The following IL23R variants were observed in gnomAD, a reference collection of about 807,000 sequenced individuals.
IL23R encodes the protein interleukin-23 receptor.
IL23R carries 34 observed loss-of-function variants against 56.9 expected under a neutral mutation model. The ratio of observed to expected loss-of-function variants is 0.60; its 90% CI spans 0.45 to 0.80. The LOEUF is 0.80. IL23R is among the 30% of genes least tolerant of loss of function. IL23R has a pLI of 0.00. For synonymous variants in IL23R, 230 were observed against 249.2 expected (o/e 0.92, Z 0.73); for missense variants, 635 against 730.0 (o/e 0.87, Z 1.50).
intron 4 of IL23R, among the ~76,000 whole-genome samples, chr1:67,190,776 C>A (rs1006370008): frequency 6.6e-6 from 1 of 152,130 alleles, no homozygotes; most frequent in Non-Finnish European, 1.5e-5. Context: ...GGGATTTTCA[C>A]GCACCGTAGA....
At chr1:67,251,297 A>T (rs1652603463) in intron 9 of IL23R, among the ~76,000 whole-genome samples, 1 of 152,070 alleles carries the variant, frequency 6.6e-6, no homozygotes, top group Non-Finnish European at 1.5e-5. Context: ...CTAAAAATAC[A>T]ACAAATTAGC....
Position 67,219,671 on chromosome 1 carries a change from C to T in IL23R, c.896C>T (p.Thr299Ile). ...KYVFQVRCQE[T>I]GKRYWQPWSS... Reference sequence around the variant, plus strand: ...GTATTTCAAGTGAGATGTCAAGAAACAGGCAAAAGGTACTGGCAGCCTTGG... The same window carrying T: ...GTATTTCAAGTGAGATGTCAAGAAATAGGCAAAAGGTACTGGCAGCCTTGG... The change falls in exon 7 of 11, where the codon ACA becomes ATA. Residue 299 changes from threonine (T) to isoleucine (I), a missense_variant. By Grantham distance (89) the Thr-to-Ile change is moderately conservative (BLOSUM62 -1). Transcript: ENST00000347310. The T allele has an allele frequency of 1.2e-6, 2 of 1,614,078 alleles. No individual in the cohort carries two copies. The highest frequency in any genetic ancestry group is 1.7e-6 in the Non-Finnish European group (2 of 1,179,958).
chr1:67,224,918 C>A (rs1336571458), intron 7 of IL23R, among the ~76,000 whole-genome samples: 3 of 152,136 alleles, frequency 2.0e-5, no homozygotes, highest in Admixed American at 1.3e-4. Context: ...TTTATCACTG[C>A]AGCTCTATAA....
chr1:67,244,798 C>CT (rs1406937453), intron 9 of IL23R, among the ~76,000 whole-genome samples: 1 of 152,110 alleles, frequency 6.6e-6, no homozygotes, highest in African/African-American at 2.4e-5. Context: ...TATGTGGGCT[C>CT]TTTTTTGATT....
chr1:67,237,062 A>G (rs1651525615), intron 8 of IL23R, among the ~76,000 whole-genome samples: 1 of 152,052 alleles, frequency 6.6e-6, no homozygotes, highest in South Asian at 2.1e-4. Context: ...TTATTTTTTG[A>G]GACGAAGCCT....
intron 10 of IL23R, among the ~76,000 whole-genome samples, chr1:67,256,776 A>T (rs1486120314): frequency 2.0e-5 from 3 of 152,234 alleles, no homozygotes; most frequent in African/African-American, 7.2e-5. Flanking sequence ...AGGTGTTTGT[A>T]AAACAAATAG....
chr1:67,168,827 C>A (rs1218534567), intron 2 of IL23R, among the ~76,000 whole-genome samples: 2 of 152,142 alleles, frequency 1.3e-5, no homozygotes, highest in Non-Finnish European at 2.9e-5. Flanking sequence ...AGCTTCCAGG[C>A]TGACTCTAGT....
intron 3 of IL23R, among the ~76,000 whole-genome samples, chr1:67,176,540 A>G (rs7532161): frequency 0.55 from 83,709 of 151,998 alleles, 23,282 homozygotes; most frequent in East Asian, 0.67. Flanking sequence ...TGAAAAGTTG[A>G]TAAGTTTAAT....
At chr1:67,194,109 T>C (rs1322811450) in intron 4 of IL23R, among the ~76,000 whole-genome samples, 1 of 152,168 alleles carries the variant, frequency 6.6e-6, no homozygotes, top group African/African-American at 2.4e-5. Context: ...GGGCAAAGCA[T>C]GCGGGAACAC....
intron 9 of IL23R, among the ~76,000 whole-genome samples, chr1:67,251,451 CAA>C (rs34047151): frequency 1.1e-4 from 14 of 127,816 alleles, no homozygotes; most frequent in Non-Finnish European, 1.3e-4. Context: ...GACTCTGTCT[CAA>C]AAAAAAAAAA....
chr1:67,187,002 G>A (rs1647386959), intron 4 of IL23R, among the ~76,000 whole-genome samples: 1 of 152,018 alleles, frequency 6.6e-6, no homozygotes, highest in African/African-American at 2.4e-5. Context: ...CTTTTTGGTT[G>A]TTTCCACTTT....
chr1:67,234,021 A>G (rs1330089052), intron 7 of IL23R, among the ~76,000 whole-genome samples: 1 of 151,978 alleles, frequency 6.6e-6, no homozygotes, highest in African/African-American at 2.4e-5. Context: ...ACTTGCAAAT[A>G]CCATAAAGCA....
chr1:67,223,219 A>T (rs890272761), intron 7 of IL23R, among the ~76,000 whole-genome samples: 6 of 152,084 alleles, frequency 3.9e-5, no homozygotes, highest in South Asian at 2.1e-4. Flanking sequence ...CTGCCACTGC[A>T]CTCCAGCCTG....
At chr1:67,173,056 T>C (rs934879926) in intron 3 of IL23R, among the ~76,000 whole-genome samples, 1 of 152,084 alleles carries the variant, frequency 6.6e-6, no homozygotes, top group African/African-American at 2.4e-5. Flanking sequence ...GATTCCTGAG[T>C]GTCCCAATAA....
chr1:67,189,663 G>T (rs1647598565), intron 4 of IL23R, among the ~76,000 whole-genome samples: 1 of 152,256 alleles, frequency 6.6e-6, no homozygotes. Flanking sequence ...TAGAGAAGAG[G>T]GCTGGGCGCA....
intron 1 of IL23R, among the ~76,000 whole-genome samples, chr1:67,158,516 AT>A (rs1034384624): frequency 2.0e-5 from 3 of 152,204 alleles, no homozygotes; most frequent in Non-Finnish European, 4.4e-5. Context: ...TTATGCAGAA[AT>A]TTTTAGGAAA....
intron 5 of IL23R, among the ~76,000 whole-genome samples, chr1:67,206,379 T>C (rs574955106): frequency 8.6e-5 from 13 of 151,866 alleles, no homozygotes; most frequent in African/African-American, 2.7e-4. Flanking sequence ...TGCACCATCA[T>C]GGCTCACTGC....
chr1:67,230,108 G>A (rs1650998740), intron 7 of IL23R, among the ~76,000 whole-genome samples: 1 of 152,182 alleles, frequency 6.6e-6, no homozygotes, highest in Non-Finnish European at 1.5e-5. Context: ...TGCCTGCCCT[G>A]GTGCCACTGT....
At chr1:67,182,052 G>A (rs1402864505) in intron 3 of IL23R, among the ~76,000 whole-genome samples, 1 of 152,194 alleles carries the variant, frequency 6.6e-6, no homozygotes, top group Admixed American at 6.5e-5. Context: ...ACTGGGGGGT[G>A]CCTCCCAGTT....
Sources: allele counts gnomAD v4.1 joint callset (sites outside exome capture counted in the v4.1 genomes callset), GRCh38; gene constraint gnomAD v4.1.1; transcripts MANE v1.5; gene names NCBI Gene and HGNC (gene_info 2026-07-23, HGNC 2026-07-21).